The following NEFM variants were observed in gnomAD, a reference collection of about 807,000 sequenced individuals.
NEFM encodes neurofilament medium chain.
Under a neutral mutation model 48.1 loss-of-function variants are expected in NEFM, and 16 were observed. The observed-to-expected ratio is 0.33, with a 90% CI of 0.23 to 0.51. The LOEUF (loss-of-function observed/expected upper bound fraction) is 0.51. Among genes scored for constraint, NEFM ranks in the 20% least tolerant of loss-of-function variants. The pLI is 0.98. For missense variants in NEFM, 1,107 were observed against 1,136.0 expected (o/e 0.97, Z 0.37); for synonymous variants, 465 against 456.9 (o/e 1.02, Z -0.23).
Position 24,918,576 on chromosome 8 carries a change from C to T in NEFM, c.2721C>T (p.Ala907=). 2.5e-6 allele frequency: 4 copies of T among 1,612,332 alleles called. No individual in the cohort carries two copies. The highest frequency in any genetic ancestry group is 3.4e-6 in the Non-Finnish European group (4 of 1,179,770). The change falls in exon 3 of 3, where the codon GCC becomes GCT. Residue 907 remains alanine, a synonymous_variant. Transcript: ENST00000221166. Reference sequence around the variant, plus strand: ...AGGTAGAAAAAGTCACTTCACACGCCATAGTAAAGGAAGTCACCCAGAGTG... The same window carrying T: ...AGGTAGAAAAAGTCACTTCACACGCTATAGTAAAGGAAGTCACCCAGAGTG... ...TKKVEKVTSH[A]IVKEVTQSD
At position 24,914,586 on chromosome 8, in the gene NEFM, G is replaced by A. The variant is rs1164176262; in HGVS notation, c.793G>A (p.Asp265Asn). 1.2e-6 allele frequency: 2 copies of A among 1,614,204 alleles called. No homozygotes were observed. The highest frequency in any genetic ancestry group is 1.7e-6 in the Non-Finnish European group (2 of 1,180,036). ...TVERKDYLKT[D>N]ISTALKEIRS... ...GGAGCGCAAAGACTACCTGAAGACA[G>A]ACATCTCGACGGCGCTGAAGGAAAT... The change falls in exon 1 of 3, where the codon GAC becomes AAC. Residue 265 changes from aspartate (D) to asparagine (N), a missense_variant. By Grantham distance (23) the Asp-to-Asn change is conservative (BLOSUM62 1). Coordinates refer to ENST00000221166, the MANE Select transcript of NEFM (RefSeq NM_005382.2).
intron 2 of NEFM, among the ~76,000 whole-genome samples, chr8:24,916,347 T>C (rs1802572540): frequency 6.6e-6 from 1 of 152,214 alleles, no homozygotes; most frequent in Non-Finnish European, 1.5e-5. Context: ...TCTAGATATA[T>C]AGACACAAAT....
rs754686180 is a variant in NEFM at position 24,917,519 on chromosome 8, A to G, written c.1664A>G (p.Lys555Arg). 1 of 1,556,344 alleles carries G rather than the reference A, an allele frequency of 6.4e-7. No individual in the cohort carries two copies. The highest frequency in any genetic ancestry group is 1.2e-5 in the South Asian group (1 of 84,684). Residue 555 changes from lysine to arginine, a missense_variant, in exon 3 of 3, where the codon AAG becomes AGG. Lys to Arg is a conservative substitution (Grantham distance 26, BLOSUM62 2). Coordinates refer to ENST00000221166, the MANE Select transcript of NEFM (RefSeq NM_005382.2). ...CAAGCCGAAGAGGGAGGATCCGAGA[A>G]GGAAGGCTCTAGTGAAAAAGAGGAA... ...SDQAEEGGSE[K>R]EGSSEKEEGE...
intron 1 of NEFM, 58 bp downstream of exon 1, chr8:24,914,931 C>T: frequency 1.3e-6 from 2 of 1,527,966 alleles, no homozygotes; most frequent in Non-Finnish European, 1.8e-6. Flanking sequence ...GCGCCCCCGA[C>T]ACTTGGGCTC....
intron 1 of NEFM, 57 bp from the exon 2 acceptor site, chr8:24,915,548 G>A: frequency 6.2e-7 from 1 of 1,610,620 alleles, no homozygotes; most frequent in Non-Finnish European, 8.5e-7. Context: ...AGTGGTTTGC[G>A]AAGGAAGTTG....
In NEFM at chr8:24,918,781, A is replaced by T. The variant is rs1294423536; in HGVS notation, c.*175A>T. 4.7e-6 allele frequency: 3 copies of T among 637,198 alleles called. No homozygotes were observed. Among genetic ancestry groups the T allele is most frequent in the Non-Finnish European group, 8.3e-6 (3 of 359,458 alleles). The allele number at this position is 637,198 out of a possible 1,614,324, so 39.5% of individuals were successfully genotyped here. A position where few individuals can be genotyped will look rare whatever the true frequency, so the allele number is the denominator to read the frequency against. On this transcript the variant is annotated 3_prime_UTR_variant, in exon 3 of 3. Transcript: ENST00000221166. ...GTGCTCCCTCCTCAGTCTTTGGGGG[A>T]TTCAAATGCATGATATTGTATGTAC...
At position 24,914,659 on chromosome 8, in the gene NEFM, A is replaced by C. The variant is rs1182405748; in HGVS notation, c.866A>C (p.Glu289Ala). Residue 289 changes from glutamate (E) to alanine (A), a missense_variant, in exon 1 of 3, where the codon GAA becomes GCA. Physicochemically the swap from Glu to Ala is moderately radical, Grantham distance 107 (BLOSUM62 -1). Coordinates refer to ENST00000221166, the MANE Select transcript of NEFM (RefSeq NM_005382.2). ...TCAGACCAGAATATGCACCAGGCCG[A>C]AGAGTGGTTCAAATGCCGCTACGCC... The part of the protein sequence containing the change: ...SHSDQNMHQA[E>A]EWFKCRYAKL... 1.9e-6 allele frequency: 3 copies of C among 1,614,176 alleles called. No homozygotes were observed. In the Admixed American group the frequency reaches 5.0e-5, roughly 27 times the overall value.
chr8:24,914,276 G>A lies in NEFM; in HGVS notation c.483G>A (p.Leu161=). The change falls in exon 1 of 3, where the codon CTG becomes CTA. Residue 161 remains leucine, a synonymous_variant. Transcript: ENST00000221166. Reference sequence around the variant, plus strand: ...AGATCCGCGAGCTGCGCGCCACCCTGGAGATGGTGAACCACGAGAAGGCTC... The same window carrying A: ...AGATCCGCGAGCTGCGCGCCACCCTAGAGATGGTGAACCACGAGAAGGCTC... ...DQEIRELRAT[L]EMVNHEKAQV... is the part of the protein sequence containing the mutation. 1 of 1,612,444 alleles carries A rather than the reference G, an allele frequency of 6.2e-7. No homozygotes were observed. The highest frequency in any genetic ancestry group is 1.1e-5 in the South Asian group (1 of 90,854).
Position 24,914,313 on chromosome 8 carries a change from G to A in NEFM, c.520G>A (p.Asp174Asn), listed in dbSNP as rs149871966. The A allele has an allele frequency of 6.8e-6, 11 of 1,613,402 alleles. No homozygotes were observed. The highest frequency in any genetic ancestry group is 6.7e-5 in the African/African-American group (5 of 74,942). Residue 174 changes from aspartate to asparagine, a missense_variant, in exon 1 of 3, where the codon GAC becomes AAC. By Grantham distance (23) the Asp-to-Asn change is conservative (BLOSUM62 1). Coordinates refer to ENST00000221166, the MANE Select transcript of NEFM (RefSeq NM_005382.2). ...VNHEKAQVQL[D>N]SDHLEEDIHR... is the part of the protein sequence containing the mutation. ...CCACGAGAAGGCTCAGGTGCAGCTGGACTCGGACCACCTGGAGGAAGACAT... is the reference window on the plus strand; with the variant it reads ...CCACGAGAAGGCTCAGGTGCAGCTGAACTCGGACCACCTGGAGGAAGACAT...
Position 24,918,354 on chromosome 8 carries a change from C to T in NEFM, c.2499C>T (p.Gly833=). 1.2e-6 allele frequency: 2 copies of T among 1,613,876 alleles called. No homozygotes were observed. The highest frequency in any genetic ancestry group is 1.7e-6 in the Non-Finnish European group (2 of 1,179,992). The change falls in exon 3 of 3, where the codon GGC becomes GGT. Residue 833 remains glycine (G), a synonymous_variant. Transcript: ENST00000221166. ...AGGAGAAAGGCGTTGTCACCAATGG[C>T]CTAGACTTGAGCCCAGCAGATGAAA... ...REEEKGVVTN[G]LDLSPADEKK... is the part of the protein sequence containing the mutation.
rs1324437516 is a variant in NEFM, at chr8:24,914,804, C to G, written c.1011C>G (p.Thr337=). 6.2e-7 allele frequency: 1 copy of G among 1,604,976 alleles called. No individual in the cohort carries two copies. The highest frequency in any genetic ancestry group is 1.3e-5 in the African/African-American group (1 of 74,840). The stretch of plus-strand genomic sequence containing the variant: ...TCGAGCTAGAGTCGGTGCGCGGCAC[C>G]AAGGAGTCCCTGGAGCGGCAGCTCA... ...KSIELESVRG[T]KESLERQLSD... Residue 337 remains threonine, a synonymous_variant, in exon 1 of 3, where the codon ACC becomes ACG. Coordinates refer to ENST00000221166, the MANE Select transcript of NEFM (RefSeq NM_005382.2).
rs1014244104 is a variant in NEFM at position 24,914,690 on chromosome 8, C to T, written c.897C>T (p.Leu299=). The T allele has an allele frequency of 6.2e-7, 1 of 1,614,180 alleles. No individual in the cohort carries two copies. Among genetic ancestry groups the T allele is most frequent in the African/African-American group, 1.3e-5 (1 of 75,068 alleles). ...GGTTCAAATGCCGCTACGCCAAGCT[C>T]ACCGAGGCGGCCGAGCAGAACAAGG... ...EEWFKCRYAK[L]TEAAEQNKEA... is the part of the protein sequence containing the mutation. Residue 299 remains leucine (L), a synonymous_variant, in exon 1 of 3, where the codon CTC becomes CTT. Coordinates refer to ENST00000221166, the MANE Select transcript of NEFM (RefSeq NM_005382.2).
rs59222096 is a variant in NEFM, at chr8:24,914,240, G to A, written c.447G>A (p.Ala149=). The A allele has an allele frequency of 2.5e-6, 4 of 1,610,544 alleles. No homozygotes were observed. Among genetic ancestry groups the A allele is most frequent in the South Asian group, 2.2e-5 (2 of 90,670 alleles). Residue 149 remains alanine, a synonymous_variant, in exon 1 of 3, where the codon GCG becomes GCA. Coordinates refer to ENST00000221166, the MANE Select transcript of NEFM (RefSeq NM_005382.2). ...CCTCGCACGCCCAGCTGGGCGACGC[G>A]TACGACCAGGAGATCCGCGAGCTGC... ...KQASHAQLGD[A]YDQEIRELRA... is the part of the protein sequence containing the mutation.
intron 1 of NEFM, chr8:24,915,107 CGT>C (rs1443663855): frequency 2.9e-6 from 4 of 1,358,238 alleles, no homozygotes; most frequent in Non-Finnish European, 3.8e-6. Context: ...TTTTCAGAAA[CGT>C]GCATCTTTTC....
chr8:24,917,471 A>G lies in NEFM; in HGVS notation c.1616A>G (p.Glu539Gly). ...EEEGQEEEEE[E>G]DEGAKSDQAE... ...GAAGGCCAGGAAGAAGAGGAGGAAG[A>G]AGATGAGGGAGCTAAGTCAGACCAA... Residue 539 changes from glutamate to glycine, a missense_variant, in exon 3 of 3, where the codon GAA becomes GGA. This residue lies in a region of NEFM where 917 missense variants were observed against 916.4 expected (regional missense o/e 1.00). Transcript: ENST00000221166. 14 of 1,555,144 alleles carry G rather than the reference A, an allele frequency of 9.0e-6. No homozygotes were observed. The highest frequency in any genetic ancestry group is 1.2e-5 in the Non-Finnish European group (14 of 1,148,792).
At position 24,918,376 on chromosome 8, in the gene NEFM, G is replaced by A. The variant is rs865855175; in HGVS notation, c.2521G>A (p.Glu841Lys). ...TNGLDLSPAD[E>K]KKGGDKSEEK... is the part of the protein sequence containing the mutation. ...TGGCCTAGACTTGAGCCCAGCAGAT[G>A]AAAAGAAGGGGGGTGATAAAAGTGA... The change falls in exon 3 of 3, where the codon GAA becomes AAA. Residue 841 changes from glutamate to lysine, a missense_variant. Around this residue, in one of 3 missense-constraint regions of NEFM, gnomAD observed 917 missense variants for 916.4 expected, o/e 1.00. Coordinates refer to ENST00000221166, the MANE Select transcript of NEFM (RefSeq NM_005382.2). 2 of 1,614,014 alleles carry A rather than the reference G, an allele frequency of 1.2e-6. No individual in the cohort carries two copies. Among genetic ancestry groups the A allele is most frequent in the Non-Finnish European group, 1.7e-6 (2 of 1,180,032 alleles).
rs768981263 is a variant in NEFM, at chr8:24,918,315, C to T, written c.2460C>T (p.Gly820=). 6.2e-7 allele frequency: 1 copy of T among 1,613,462 alleles called. No homozygotes were observed. Among genetic ancestry groups the T allele is most frequent in the Non-Finnish European group, 8.5e-7 (1 of 1,179,820 alleles). Residue 820 remains glycine, a synonymous_variant, in exon 3 of 3, where the codon GGC becomes GGT. Coordinates refer to ENST00000221166, the MANE Select transcript of NEFM (RefSeq NM_005382.2). ...EEVEQETKEK[G]SGREEEKGVV... ...TAGAGCAGGAGACCAAGGAAAAAGG[C>T]AGTGGGAGGGAAGAGGAGAAAGGCG...
In NEFM at chr8:24,917,887, G is replaced by C. The variant is rs879227029; in HGVS notation, c.2032G>C (p.Ala678Pro). The C allele has an allele frequency of 1.2e-6, 2 of 1,614,112 alleles. No homozygotes were observed. Among genetic ancestry groups the C allele is most frequent in the South Asian group, 2.2e-5 (2 of 91,074 alleles). The change falls in exon 3 of 3, where the codon GCC (alanine) becomes CCC (proline). Residue 678 changes from alanine (A) to proline (P), a missense_variant. Physicochemically the swap from Ala to Pro is conservative, Grantham distance 27 (BLOSUM62 -1). This residue lies in a region of NEFM where 917 missense variants were observed against 916.4 expected (regional missense o/e 1.00). Transcript: ENST00000221166. ...GTCAAAATCACCAGTGGAAGAGAAA[G>C]CCAAATCTCCTGTGCCAAAATCACC... ...PVSKSPVEEK[A>P]KSPVPKSPVE...
chr8:24,916,589 A>G (rs1009496236), intron 2 of NEFM, among the ~76,000 whole-genome samples: 9 of 152,272 alleles, frequency 5.9e-5, no homozygotes, highest in African/African-American at 2.2e-4. Context: ...CAACAAATTT[A>G]TAACTCGATA....
Sources: gnomAD v4.1 joint callset for allele counts (sites outside exome capture counted in the v4.1 genomes callset) on GRCh38, gnomAD v4.1.1 for gene constraint, gnomAD v4.1.1 regional missense constraint, MANE v1.5 for transcripts, NCBI Gene and HGNC (gene_info 2026-07-23, HGNC 2026-07-21) for gene names.